The following KSR2 variants were observed in gnomAD, a reference collection of about 807,000 sequenced individuals.
KSR2 encodes kinase suppressor of ras 2.
Under a neutral mutation model 107.8 loss-of-function variants are expected in KSR2, and 25 were observed. The ratio of observed to expected loss-of-function variants is 0.23; its 90% CI spans 0.17 to 0.32. KSR2 has a LOEUF of 0.32. Ranked by LOEUF, KSR2 falls within the 10% of genes least tolerant of loss-of-function variation. KSR2 has a pLI of 1.00. For missense variants in KSR2, 887 were observed against 1,268.9 expected, an observed-to-expected ratio of 0.70 and a Z score of 4.57; for synonymous variants, 480 against 507.0, an observed-to-expected ratio of 0.95 and a Z score of 0.71.
chr12:117,589,884 C>T (rs535061408), intron 5 of KSR2, among the ~76,000 whole-genome samples: 3 of 152,334 alleles, frequency 2.0e-5, no homozygotes. Flanking sequence ...ACTCACCTCC[C>T]AAGATCCAAA....
chr12:117,566,892 C>T (rs1878529413), intron 7 of KSR2, among the ~76,000 whole-genome samples: 1 of 152,150 alleles, frequency 6.6e-6, no homozygotes, highest in Non-Finnish European at 1.5e-5. Flanking sequence ...GCCCAAATTG[C>T]CTCTTATAAA....
chr12:117,955,601 A>T (rs1425078115), intron 1 of KSR2, among the ~76,000 whole-genome samples: 1 of 152,062 alleles, frequency 6.6e-6, no homozygotes, highest in East Asian at 1.9e-4. Flanking sequence ...GAGTCAGGTT[A>T]TTATTTCTGA....
intron 4 of KSR2, among the ~76,000 whole-genome samples, chr12:117,723,811 TA>T (rs1425709533): frequency 3.3e-5 from 5 of 151,658 alleles, no homozygotes; most frequent in African/African-American, 9.7e-5. Context: ...TATCATTTTT[TA>T]AAAAAATCTA....
At chr12:117,636,726 T>C (rs1293217645) in intron 5 of KSR2, among the ~76,000 whole-genome samples, 1 of 152,166 alleles carries the variant, frequency 6.6e-6, no homozygotes, top group Non-Finnish European at 1.5e-5. Context: ...TATAGAACAA[T>C]ACGTTTATGA....
At chr12:117,671,123 C>A (rs1884888514) in intron 4 of KSR2, among the ~76,000 whole-genome samples, 1 of 152,220 alleles carries the variant, frequency 6.6e-6, no homozygotes, top group African/African-American at 2.4e-5. Flanking sequence ...CTGGAATACC[C>A]TCTGTTGCTT....
intron 1 of KSR2, among the ~76,000 whole-genome samples, chr12:117,966,329 G>A (rs1446785164): frequency 6.6e-6 from 1 of 152,128 alleles, no homozygotes; most frequent in Non-Finnish European, 1.5e-5. Context: ...TTTATTGACT[G>A]CATGCAGGTC....
intron 5 of KSR2, among the ~76,000 whole-genome samples, chr12:117,597,647 C>T (rs1020770266): frequency 4.6e-5 from 7 of 152,104 alleles, no homozygotes; most frequent in Admixed American, 1.3e-4. Context: ...TTACGACCTC[C>T]GGAATGATTA....
chr12:117,740,632 A>AATATATACATATATTATATATGTAAT (rs1555233886), intron 4 of KSR2, among the ~76,000 whole-genome samples: 13 of 138,720 alleles, frequency 9.4e-5, no homozygotes, highest in African/African-American at 3.4e-4. Flanking sequence ...TTATATATGT[A>AATATATACATATATTATATATGTAAT]ATATATACAT....
rs117441430 is a variant in KSR2 at position 117,495,440 on chromosome 12, T to C, written c.2220-9749A>G. 4.8e-4 allele frequency among the ~76,000 whole-genome samples: 73 copies of C among 152,352 alleles called. 1 individual carries two copies. In the East Asian group the frequency reaches 0.014, roughly 28 times the overall value. On this transcript the variant is annotated intron_variant, in intron 14 of 19. Transcript: ENST00000339824. ...CAGAAAGCAAGTGAGAAATGCCAGC[T>C]GTCTGCCACCTGCTTAACTCAACGT...
intron 4 of KSR2, among the ~76,000 whole-genome samples, chr12:117,751,076 A>C (rs1003026974): frequency 1.3e-5 from 2 of 152,196 alleles, no homozygotes; most frequent in Middle Eastern, 3.2e-3. Context: ...GACCAGGTGC[A>C]GATAAATGAA....
At chr12:117,484,289 GC>G in intron 16 of KSR2, 126 bp downstream of exon 16, 1 of 1,032,738 alleles carries the variant, frequency 9.7e-7, no homozygotes, top group Non-Finnish European at 1.4e-6. Context: ...TAGAGCAGCT[GC>G]CCCACTCAGC....
chr12:117,520,158 A>G (rs1874655353), intron 14 of KSR2, among the ~76,000 whole-genome samples: 1 of 152,198 alleles, frequency 6.6e-6, no homozygotes. Context: ...GTATTTAGAT[A>G]TACATTTGCT....
intron 3 of KSR2, among the ~76,000 whole-genome samples, chr12:117,846,646 G>A (rs866663624): frequency 2.7e-4 from 41 of 152,158 alleles, no homozygotes; most frequent in African/African-American, 9.9e-4. Context: ...ATATTCTAGA[G>A]CAGCACTGTC....
chr12:117,967,826 C>T (rs933029347), intron 1 of KSR2, among the ~76,000 whole-genome samples: 2 of 151,910 alleles, frequency 1.3e-5, no homozygotes, highest in Non-Finnish European at 2.9e-5. Context: ...ATAACAATTA[C>T]TACTACTACT....
chr12:117,828,552 C>A (rs1458381314), intron 3 of KSR2, among the ~76,000 whole-genome samples: 1 of 152,188 alleles, frequency 6.6e-6, no homozygotes, highest in Non-Finnish European at 1.5e-5. Flanking sequence ...GATCCCCATT[C>A]CCAGATAAGG....
At position 117,897,179 on chromosome 12, in the gene KSR2, G is replaced by C. The variant is rs890662541; in HGVS notation, c.181-36748C>G. Among the ~76,000 whole-genome samples the C allele has an allele frequency of 6.6e-6, 1 of 152,190 alleles. No homozygotes were observed. The highest frequency in any genetic ancestry group is 1.5e-5 in the Non-Finnish European group (1 of 68,044). ...GGAATTATTGTTTCATTAACATCCAGCTCCCAAGCTGTGACAGATGCCAGT... is the reference window on the plus strand; with the variant it reads ...GGAATTATTGTTTCATTAACATCCACCTCCCAAGCTGTGACAGATGCCAGT... On this transcript the variant is annotated intron_variant, in intron 1 of 19. Coordinates refer to ENST00000339824, the MANE Select transcript of KSR2 (RefSeq NM_173598.6). This position sits in a 1 kb window ranked among gnomAD's most constrained non-coding sequence, Gnocchi z 4.5.
chr12:117,784,038 T>C (rs911866097), intron 3 of KSR2, among the ~76,000 whole-genome samples: 1 of 152,174 alleles, frequency 6.6e-6, no homozygotes, highest in Non-Finnish European at 1.5e-5. Context: ...TTTTTTTTAA[T>C]TTTTTAATAA....
intron 3 of KSR2, among the ~76,000 whole-genome samples, chr12:117,847,754 AC>A (rs2137190578): frequency 6.6e-6 from 1 of 152,124 alleles, no homozygotes; most frequent in East Asian, 1.9e-4. Flanking sequence ...CCCACTGGGC[AC>A]CCATACTGTT....
chr12:117,487,400 G>A (rs1209453138), intron 14 of KSR2, among the ~76,000 whole-genome samples: 1 of 152,176 alleles, frequency 6.6e-6, no homozygotes, highest in African/African-American at 2.4e-5. Context: ...TGATTCACAT[G>A]TCTGAGGAGG....
Sources: gnomAD v4.1 joint callset for allele counts (sites outside exome capture counted in the v4.1 genomes callset) on GRCh38, gnomAD v4.1.1 for gene constraint, Gnocchi (gnomAD v3.1) non-coding constraint, MANE v1.5 for transcripts, NCBI Gene and HGNC (gene_info 2026-07-23, HGNC 2026-07-21) for gene names.